CNTNAP2: variants seen among roughly 807,000 people sequenced by gnomAD.
The protein encoded by CNTNAP2 is contactin-associated protein-like 2.
CNTNAP2 carries 98 observed loss-of-function variants against 155.2 expected under a neutral mutation model. That is an observed-to-expected ratio of 0.63 (90% CI 0.54 to 0.75). The LOEUF (loss-of-function observed/expected upper bound fraction) is 0.75. Ranked by LOEUF, CNTNAP2 falls within the 30% of genes least tolerant of loss-of-function variation. The probability of loss-of-function intolerance (pLI) is 0.00; values close to 1 mark genes in which losing one functional copy is unlikely to be tolerated. For synonymous variants in CNTNAP2, 651 were observed against 631.2 expected (o/e 1.03, Z -0.47); for missense variants, 1,727 against 1,688.1 (o/e 1.02, Z -0.40).
At chr7:147,317,655 G>A (rs1003304939) in intron 9 of CNTNAP2, among the ~76,000 whole-genome samples, 5 of 152,046 alleles carry the variant, frequency 3.3e-5, no homozygotes, top group East Asian at 3.9e-4. Flanking sequence ...CTAAGGTCAG[G>A]TTCTTTAGTT....
intron 1 of CNTNAP2, among the ~76,000 whole-genome samples, chr7:146,307,345 G>C (rs956967820): frequency 6.6e-6 from 1 of 152,086 alleles, no homozygotes; most frequent in African/African-American, 2.4e-5. Flanking sequence ...CAAACAAATG[G>C]AAGAACATTC....
intron 15 of CNTNAP2, among the ~76,000 whole-genome samples, chr7:148,061,505 C>T (rs973164119): frequency 2.0e-5 from 3 of 152,054 alleles, no homozygotes; most frequent in Non-Finnish European, 2.9e-5. Flanking sequence ...AGGTGCACGC[C>T]ATCACGCCTG....
intron 9 of CNTNAP2, among the ~76,000 whole-genome samples, chr7:147,373,412 G>A (rs1351084681): frequency 6.6e-6 from 1 of 151,936 alleles, no homozygotes; most frequent in East Asian, 1.9e-4. Context: ...TGAATTTTAG[G>A]TAGGTGCACA....
chr7:146,465,891 C>A (rs1438090234), intron 1 of CNTNAP2, among the ~76,000 whole-genome samples: 1 of 151,980 alleles, frequency 6.6e-6, no homozygotes, highest in South Asian at 2.1e-4. Flanking sequence ...ATCACATATA[C>A]GGTGTATGAA....
At chr7:148,280,620 T>G (rs1047565413) in intron 21 of CNTNAP2, among the ~76,000 whole-genome samples, 1 of 151,722 alleles carries the variant, frequency 6.6e-6, no homozygotes, top group African/African-American at 2.4e-5. Flanking sequence ...AAGTTTCAAT[T>G]AGAAAAAGCA....
At chr7:147,650,138 ATAAACT>A (rs1795428201) in intron 13 of CNTNAP2, among the ~76,000 whole-genome samples, 1 of 152,188 alleles carries the variant, frequency 6.6e-6, no homozygotes. Flanking sequence ...TAAAATGAAG[ATAAACT>A]TAATTCATCA....
intron 3 of CNTNAP2, among the ~76,000 whole-genome samples, chr7:146,841,723 A>G (rs537278311): frequency 9.9e-4 from 151 of 152,240 alleles, no homozygotes; most frequent in African/African-American, 3.3e-3. Context: ...GAGTGTTCAA[A>G]TCTCCTCTCC....
intron 20 of CNTNAP2, chr7:148,263,386 T>C (rs1796596919): frequency 6.6e-6 from 1 of 150,508 alleles, no homozygotes; most frequent in South Asian, 2.1e-4. Flanking sequence ...AGAAGCAAGA[T>C]GACACAATCA....
chr7:148,132,871 C>G (rs1259130281), intron 16 of CNTNAP2, among the ~76,000 whole-genome samples: 2 of 152,152 alleles, frequency 1.3e-5, no homozygotes, highest in African/African-American at 2.4e-5. Context: ...CACTCTGAAA[C>G]TTCTATGAAT....
At chr7:146,521,044 C>T (rs1393988510) in intron 1 of CNTNAP2, among the ~76,000 whole-genome samples, 1 of 151,884 alleles carries the variant, frequency 6.6e-6, no homozygotes, top group Non-Finnish European at 1.5e-5. Flanking sequence ...AACAAGAGTT[C>T]AGGAACAAGT....
intron 13 of CNTNAP2, among the ~76,000 whole-genome samples, chr7:147,707,300 G>T (rs149414602): frequency 1.3e-5 from 2 of 152,180 alleles, no homozygotes; most frequent in African/African-American, 4.8e-5. Context: ...AGATGAATCT[G>T]TGGTTTAGGT....
At chr7:146,443,266 A>AAATG (rs1177243683) in intron 1 of CNTNAP2, among the ~76,000 whole-genome samples, 6 of 151,674 alleles carry the variant, frequency 4.0e-5, no homozygotes, top group African/African-American at 1.2e-4. Flanking sequence ...ATAGATAAAT[A>AAATG]AAAGCATGGT....
intron 8 of CNTNAP2, among the ~76,000 whole-genome samples, chr7:147,226,707 T>A (rs528236423): frequency 2.0e-5 from 3 of 152,174 alleles, no homozygotes; most frequent in Non-Finnish European, 4.4e-5. Context: ...ACAAATTGCC[T>A]CTTTTGGAGA....
chr7:148,046,637 A>T (rs1041317163), intron 15 of CNTNAP2, among the ~76,000 whole-genome samples: 3 of 152,214 alleles, frequency 2.0e-5, no homozygotes, highest in Admixed American at 1.3e-4. Context: ...AGCCTCTGAT[A>T]ATTCAGTCTG....
intron 2 of CNTNAP2, among the ~76,000 whole-genome samples, chr7:146,781,445 C>T (rs148108472): frequency 0.011 from 1,625 of 152,124 alleles, 108 homozygotes; most frequent in Admixed American, 0.099. Flanking sequence ...ATAATTGCCA[C>T]GATGCCTTTA....
intron 3 of CNTNAP2, among the ~76,000 whole-genome samples, chr7:146,997,843 T>C (rs1042348868): frequency 6.6e-6 from 1 of 152,116 alleles, no homozygotes; most frequent in Non-Finnish European, 1.5e-5. Context: ...AATATAATTG[T>C]TCATAATGTT....
intron 13 of CNTNAP2, among the ~76,000 whole-genome samples, chr7:147,712,652 C>A (rs909626534): frequency 6.6e-6 from 1 of 152,106 alleles, no homozygotes; most frequent in African/African-American, 2.4e-5. Flanking sequence ...GGACAAAAAA[C>A]CAAACACCGC....
intron 1 of CNTNAP2, among the ~76,000 whole-genome samples, chr7:146,551,359 A>G (rs1221614069): frequency 1.3e-5 from 2 of 151,826 alleles, no homozygotes; most frequent in South Asian, 2.1e-4. Context: ...TTATTGTTCA[A>G]TTCCCACCTA....
chr7:146,300,366 G>A (rs1563027462), intron 1 of CNTNAP2, among the ~76,000 whole-genome samples: 1 of 151,384 alleles, frequency 6.6e-6, no homozygotes, highest in South Asian at 2.1e-4. Flanking sequence ...AGCAATTTCT[G>A]TGAGTTTAAC....
Sources: allele counts gnomAD v4.1 joint callset (sites outside exome capture counted in the v4.1 genomes callset), GRCh38; gene constraint gnomAD v4.1.1; transcripts MANE v1.5; gene names NCBI Gene and HGNC (gene_info 2026-07-23, HGNC 2026-07-21).